The following EXT2 variants were observed in gnomAD, a reference collection of about 807,000 sequenced individuals.
EXT2 encodes the protein exostosin glycosyltransferase 2.
EXT2 carries 53 observed loss-of-function variants against 81.6 expected under a neutral mutation model. That is an observed-to-expected ratio of 0.65 (90% confidence interval 0.52 to 0.82). EXT2 has a LOEUF of 0.82. Ranked by LOEUF, EXT2 falls within the 40% of genes least tolerant of loss-of-function variation. The pLI, the probability that EXT2 is intolerant of heterozygous loss-of-function variation, is 0.00. For missense variants in EXT2, 774 were observed against 910.2 expected (o/e 0.85, Z 1.93); for synonymous variants, 320 against 340.0 (o/e 0.94, Z 0.65).
At chr11:44,171,555 T>C (rs1955073703) in intron 7 of EXT2, 56 bp from the exon 8 acceptor site, 4 of 1,613,080 alleles carry the variant, frequency 2.5e-6, no homozygotes, top group Non-Finnish European at 3.4e-6. Flanking sequence ...ATAGAGTATC[T>C]AGTTTTCCCA....
intron 10 of EXT2, among the ~76,000 whole-genome samples, chr11:44,216,454 A>G (rs1955720630): frequency 6.6e-6 from 1 of 152,182 alleles, no homozygotes. Context: ...TTTGCAGGTG[A>G]TAGCCAACAG....
chr11:44,113,474 A>G (rs1954174581), intron 3 of EXT2, among the ~76,000 whole-genome samples: 1 of 152,188 alleles, frequency 6.6e-6, no homozygotes, highest in African/African-American at 2.4e-5. Context: ...AGTTAAAACA[A>G]TGTGGTCACT....
At chr11:44,195,304 C>T (rs1393067626) in intron 8 of EXT2, among the ~76,000 whole-genome samples, 1 of 151,974 alleles carries the variant, frequency 6.6e-6, no homozygotes, top group African/African-American at 2.4e-5. Flanking sequence ...TGTGGTGGTG[C>T]ATGCCTGTAA....
At position 44,248,434 on chromosome 11, in the gene EXT2, C is replaced by T. The variant is rs756794920; in HGVS notation, c.*4147C>T. Among the ~76,000 whole-genome samples, 1 of 152,232 alleles carries T rather than the reference C, an allele frequency of 6.6e-6. No individual in the cohort carries two copies. Among genetic ancestry groups the T allele is most frequent in the African/African-American group, 2.4e-5 (1 of 41,464 alleles). ...CCCCTACTCACCTCACCCCTGAGCT[C>T]TGTCCAAGCCCTGGACCTCCTGTCC... On this transcript the variant is annotated 3_prime_UTR_variant, in exon 14 of 14. Coordinates refer to ENST00000533608, the MANE Select transcript of EXT2 (RefSeq NM_207122.2).
chr11:44,218,260 G>A (rs987374212), intron 10 of EXT2, among the ~76,000 whole-genome samples: 6 of 152,244 alleles, frequency 3.9e-5, no homozygotes, highest in South Asian at 4.1e-4. Context: ...TCTTTGAGTG[G>A]GGTTTCCTGA....
Position 44,247,796 on chromosome 11 carries a change from C to T in EXT2, c.*3509C>T, listed in dbSNP as rs1956108253. ...GTTGCTAATAACCCTGTGATCCTAG[C>T]TTCCTTCTAGGATGATAGCCTCTGA... is the stretch of plus-strand genomic sequence containing the variant. On this transcript the variant is annotated 3_prime_UTR_variant, in exon 14 of 14. Transcript: ENST00000533608. Among the ~76,000 whole-genome samples the T allele has an allele frequency of 1.3e-5, 2 of 152,244 alleles. No homozygotes were observed. The highest frequency in any genetic ancestry group is 4.1e-4 in the South Asian group (2 of 4,836).
intron 10 of EXT2, among the ~76,000 whole-genome samples, chr11:44,209,327 G>A (rs554835067): frequency 6.6e-6 from 1 of 152,266 alleles, no homozygotes; most frequent in East Asian, 1.9e-4. Context: ...GTGATAGACA[G>A]TAGATTTTAC....
intron 9 of EXT2, among the ~76,000 whole-genome samples, chr11:44,205,728 ATGGT>A: frequency 6.6e-6 from 1 of 152,316 alleles, no homozygotes; most frequent in South Asian, 2.1e-4. Flanking sequence ...CTTCTTCAGT[ATGGT>A]GACTTTGGAG....
At chr11:44,201,513 G>T (rs1955521887) in intron 9 of EXT2, among the ~76,000 whole-genome samples, 1 of 152,130 alleles carries the variant, frequency 6.6e-6, no homozygotes, top group Admixed American at 6.5e-5. Context: ...TTAGTAATTT[G>T]TCAGAAATCA....
intron 10 of EXT2, among the ~76,000 whole-genome samples, chr11:44,222,041 A>C (rs1429899350): frequency 1.3e-5 from 2 of 152,188 alleles, no homozygotes; most frequent in African/African-American, 2.4e-5. Context: ...GATCATATTT[A>C]TTTCTTGGTG....
intron 7 of EXT2, among the ~76,000 whole-genome samples, chr11:44,137,247 T>C (rs1954584144): frequency 6.6e-6 from 1 of 152,246 alleles, no homozygotes; most frequent in East Asian, 1.9e-4. Flanking sequence ...GTCTCAGATT[T>C]ACAATGCACT....
At chr11:44,097,761 A>T (rs1340596580) in intron 1 of EXT2, among the ~76,000 whole-genome samples, 3 of 110,984 alleles carry the variant, frequency 2.7e-5, no homozygotes, top group African/African-American at 4.2e-5. Context: ...TCCATCTCAA[A>T]AAATAAATAA....
At chr11:44,107,246 T>C (rs548711195) in intron 1 of EXT2, among the ~76,000 whole-genome samples, 2 of 152,112 alleles carry the variant, frequency 1.3e-5, no homozygotes, top group Non-Finnish European at 2.9e-5. Context: ...ATAAGAAGTG[T>C]CCAAAGTCCC....
At chr11:44,225,879 A>C (rs916292527) in intron 10 of EXT2, among the ~76,000 whole-genome samples, 5 of 152,210 alleles carry the variant, frequency 3.3e-5, no homozygotes, top group African/African-American at 1.2e-4. Context: ...TCTCTGAGAT[A>C]GCTTGGACAG....
intron 4 of EXT2, among the ~76,000 whole-genome samples, chr11:44,115,444 T>C (rs1954209003): frequency 6.6e-6 from 1 of 152,188 alleles, no homozygotes; most frequent in Admixed American, 6.5e-5. Context: ...GCTGACAACA[T>C]GAATGTGCAG....
intron 10 of EXT2, among the ~76,000 whole-genome samples, chr11:44,229,780 T>C (rs531009749): frequency 5.9e-5 from 9 of 152,308 alleles, no homozygotes; most frequent in Admixed American, 2.6e-4. Context: ...CTCTGGTAAA[T>C]ATTTTCTCTG....
intron 10 of EXT2, among the ~76,000 whole-genome samples, chr11:44,224,771 G>C (rs187967859): frequency 3.3e-5 from 5 of 152,336 alleles, no homozygotes; most frequent in Admixed American, 1.3e-4. Flanking sequence ...ATGGAAGTCA[G>C]CAGGGCAGCT....
rs1484260445 is a variant in EXT2 at position 44,249,730 on chromosome 11, C to T, written c.*5443C>T. ...TACTGATCCAGATGAGGGAAGAGAA[C>T]ATTTATTCAGTCATTCTGTTATGCT... On this transcript the variant is annotated 3_prime_UTR_variant, in exon 14 of 14. Coordinates refer to ENST00000533608, the MANE Select transcript of EXT2 (RefSeq NM_207122.2). 6.6e-6 allele frequency among the ~76,000 whole-genome samples: 1 copy of T among 152,222 alleles called. No individual in the cohort carries two copies. Among genetic ancestry groups the T allele is most frequent in the Non-Finnish European group, 1.5e-5 (1 of 68,038 alleles).
chr11:44,107,778 C>T lies in EXT2; in HGVS notation c.66C>T (p.His22=). Residue 22 remains histidine, a synonymous_variant, in exon 2 of 14, where the codon CAC becomes CAT. Coordinates refer to ENST00000533608, the MANE Select transcript of EXT2 (RefSeq NM_207122.2). ...PALIPRMKTK[H]RIYYITLFSI... ...TCATCCCAAGAATGAAGACCAAGCA[C>T]CGAATCTACTATATCACCCTCTTCT... 1 of 1,614,198 alleles carries T rather than the reference C, an allele frequency of 6.2e-7. No individual in the cohort carries two copies. The highest frequency in any genetic ancestry group is 8.5e-7 in the Non-Finnish European group (1 of 1,180,040).
Sources: gnomAD v4.1 joint callset for allele counts (sites outside exome capture counted in the v4.1 genomes callset) on GRCh38, gnomAD v4.1.1 for gene constraint, MANE v1.5 for transcripts, NCBI Gene and HGNC (gene_info 2026-07-23, HGNC 2026-07-21) for gene names.